SGMS1: variants seen among roughly 807,000 people sequenced by gnomAD.
SGMS1 encodes sphingomyelin synthase 1, also known as phosphatidylcholine:ceramide cholinephosphotransferase 1.
In SGMS1, 13 loss-of-function variants were observed where a neutral mutation model predicts 46.2. That is an observed-to-expected ratio of 0.28 (90% CI 0.18 to 0.45). The LOEUF (loss-of-function observed/expected upper bound fraction) is 0.45, where lower values mean the gene tolerates loss of function less well. SGMS1 is among the 20% of genes least tolerant of loss of function. The pLI is 1.00. For missense variants in SGMS1, 324 were observed against 519.9 expected, an observed-to-expected ratio of 0.62 and a Z score of 3.66; for synonymous variants, 203 against 187.8, an observed-to-expected ratio of 1.08 and a Z score of -0.66.
chr10:50,596,257 ACCTGCG>A (rs1838591560), intron 1 of SGMS1, among the ~76,000 whole-genome samples: 1 of 151,524 alleles, frequency 6.6e-6, no homozygotes, highest in Non-Finnish European at 1.5e-5. Context: ...GCTCACCGCA[ACCTGCG>A]CCTCCCTGGT....
intron 2 of SGMS1, 142 bp downstream of exon 2, chr10:50,590,010 CA>C (rs1838525406): frequency 6.6e-6 from 1 of 152,262 alleles, no homozygotes; most frequent in South Asian, 2.1e-4. Flanking sequence ...AACCTATACA[CA>C]CACCAAAAAA....
chr10:50,497,231 CAA>C (rs1837622712), intron 3 of SGMS1, among the ~76,000 whole-genome samples: 1 of 152,212 alleles, frequency 6.6e-6, no homozygotes, highest in African/African-American at 2.4e-5. Flanking sequence ...ATGACATTTT[CAA>C]ACTTACAAAG....
intron 1 of SGMS1, among the ~76,000 whole-genome samples, chr10:50,606,405 C>G (rs1390141172): frequency 6.6e-6 from 1 of 152,012 alleles, no homozygotes; most frequent in Non-Finnish European, 1.5e-5. Flanking sequence ...GATGGTTGCA[C>G]AACAATTTGA....
intron 2 of SGMS1, among the ~76,000 whole-genome samples, chr10:50,535,440 A>G (rs1039110812): frequency 6.6e-6 from 1 of 151,252 alleles, no homozygotes. Flanking sequence ...ATCTCAGCTC[A>G]CTGCAACCTC....
intron 1 of SGMS1, among the ~76,000 whole-genome samples, chr10:50,600,243 C>T (rs1363593002): frequency 6.6e-6 from 1 of 152,184 alleles, no homozygotes; most frequent in African/African-American, 2.4e-5. Flanking sequence ...CCTGGTTCTG[C>T]TGGTTATGAA....
At chr10:50,550,291 C>G (rs1838137491) in intron 2 of SGMS1, among the ~76,000 whole-genome samples, 1 of 152,176 alleles carries the variant, frequency 6.6e-6, no homozygotes, top group Non-Finnish European at 1.5e-5. Flanking sequence ...TCCTTGGTAG[C>G]AAATAATAGG....
intron 5 of SGMS1, among the ~76,000 whole-genome samples, chr10:50,435,835 A>C (rs1849467550): frequency 6.6e-6 from 1 of 152,184 alleles, no homozygotes; most frequent in African/African-American, 2.4e-5. Context: ...CCAGAACTTA[A>C]TGTCTAAAAA....
intron 6 of SGMS1, among the ~76,000 whole-genome samples, chr10:50,404,402 T>C (rs1013616273): frequency 2.7e-5 from 4 of 150,088 alleles, no homozygotes; most frequent in African/African-American, 7.4e-5. Context: ...AGGCCAAGAG[T>C]ATGTGACCAG....
At chr10:50,369,793 C>T (rs1466937861) in intron 6 of SGMS1, among the ~76,000 whole-genome samples, 2 of 152,154 alleles carry the variant, frequency 1.3e-5, no homozygotes, top group African/African-American at 4.8e-5. Flanking sequence ...TGTCACTTCA[C>T]GACGAGATAC....
intron 6 of SGMS1, among the ~76,000 whole-genome samples, chr10:50,381,446 T>C (rs564487445): frequency 5.3e-5 from 8 of 152,000 alleles, no homozygotes; most frequent in Admixed American, 2.6e-4. Context: ...TTGGAGTAAA[T>C]AAATGGAGAA....
chr10:50,441,118 C>T (rs1849541839), intron 5 of SGMS1, among the ~76,000 whole-genome samples: 1 of 152,208 alleles, frequency 6.6e-6, no homozygotes, highest in Admixed American at 6.5e-5. Flanking sequence ...GAAACCTCCA[C>T]TCCCTCAGTT....
intron 3 of SGMS1, among the ~76,000 whole-genome samples, chr10:50,482,006 G>A (rs904078361): frequency 1.3e-5 from 2 of 152,158 alleles, no homozygotes; most frequent in African/African-American, 2.4e-5. Flanking sequence ...AAACCTTAGA[G>A]AACTATAAGA....
chr10:50,596,869 A>T (rs936106397), intron 1 of SGMS1, among the ~76,000 whole-genome samples: 13 of 152,174 alleles, frequency 8.5e-5, no homozygotes, highest in African/African-American at 3.1e-4. Flanking sequence ...TGATTCATAC[A>T]CTGACTTGCT....
chr10:50,520,337 C>T (rs939056928), intron 2 of SGMS1, among the ~76,000 whole-genome samples: 32 of 152,142 alleles, frequency 2.1e-4, no homozygotes, highest in African/African-American at 7.5e-4. Context: ...CTGCAGTGCG[C>T]CGTGATTGCA....
At chr10:50,609,620 C>T (rs1444841279) in intron 1 of SGMS1, among the ~76,000 whole-genome samples, 3 of 149,006 alleles carry the variant, frequency 2.0e-5, no homozygotes, top group Non-Finnish European at 4.4e-5. Flanking sequence ...TCAACAGTTA[C>T]CTAGTATTCC....
upstream of SGMS1, chr10:50,624,209 G>A (rs1838890307): frequency 9.2e-6 from 7 of 759,728 alleles, no homozygotes; most frequent in Non-Finnish European, 1.1e-5. Context: ...CACTAAGTAA[G>A]GCCTAGCGGG....
intron 2 of SGMS1, among the ~76,000 whole-genome samples, chr10:50,525,049 C>T (rs151004127): frequency 7.7e-4 from 117 of 151,900 alleles, no homozygotes; most frequent in African/African-American, 2.5e-3. Flanking sequence ...TTAAAAGAAG[C>T]GGTGGAAATA....
intron 2 of SGMS1, among the ~76,000 whole-genome samples, chr10:50,570,855 T>C (rs1177613784): frequency 6.6e-6 from 1 of 152,204 alleles, no homozygotes; most frequent in Non-Finnish European, 1.5e-5. Flanking sequence ...GGGGGATCAC[T>C]TGAGCTCAGG....
intron 2 of SGMS1, among the ~76,000 whole-genome samples, chr10:50,581,229 T>C (rs962858877): frequency 2.6e-5 from 4 of 152,094 alleles, no homozygotes; most frequent in Non-Finnish European, 5.9e-5. Flanking sequence ...TCCCTCAGGG[T>C]GATTCTAATG....
Sources: gnomAD v4.1 joint callset for allele counts (sites outside exome capture counted in the v4.1 genomes callset) on GRCh38, gnomAD v4.1.1 for gene constraint, MANE v1.5 for transcripts, NCBI Gene and HGNC (gene_info 2026-07-23, HGNC 2026-07-21) for gene names.